CDH23: variants seen among roughly 807,000 people sequenced by gnomAD.
CDH23 encodes the protein cadherin-23.
A neutral mutation model predicts 317.1 loss-of-function variants in CDH23; 189 were observed. The observed-to-expected ratio is 0.60, with a 90% CI of 0.53 to 0.67. The LOEUF is 0.67. Among genes scored for constraint, CDH23 ranks in the 30% least tolerant of loss-of-function variants. The probability of loss-of-function intolerance (pLI) is 0.00; values close to 1 mark genes in which losing one functional copy is unlikely to be tolerated. For synonymous variants in CDH23, 1,839 were observed against 1,876.8 expected, an observed-to-expected ratio of 0.98 and a Z score of 0.52; for missense variants, 4,401 against 4,592.4, an observed-to-expected ratio of 0.96 and a Z score of 1.20.
chr10:71,808,046 C>G (rs1841793339), intron 60 of CDH23, 39 bp downstream of exon 60: 1 of 1,557,994 alleles, frequency 6.4e-7, no homozygotes, highest in African/African-American at 1.4e-5. Context: ...CTAGCCATGA[C>G]CTCTCAGTCA....
intron 49 of CDH23, among the ~76,000 whole-genome samples, chr10:71,798,141 G>C (rs1841454229): frequency 6.6e-6 from 1 of 152,058 alleles, no homozygotes; most frequent in Admixed American, 6.5e-5. Context: ...GCTCCACCAG[G>C]GTCACCTAGC....
intron 2 of CDH23, among the ~76,000 whole-genome samples, chr10:71,441,128 C>T (rs1244896699): frequency 6.6e-6 from 1 of 152,126 alleles, no homozygotes; most frequent in Non-Finnish European, 1.5e-5. Context: ...TTTTAACTCC[C>T]AGCTCATTTT....
intron 7 of CDH23, among the ~76,000 whole-genome samples, chr10:71,568,072 G>T (rs1216060417): frequency 6.6e-6 from 1 of 152,222 alleles, no homozygotes; most frequent in East Asian, 1.9e-4. Flanking sequence ...CCCAGACTTG[G>T]CCAAGATGCA....
At chr10:71,398,165 C>A (rs961102657) in intron 1 of CDH23, among the ~76,000 whole-genome samples, 11 of 152,342 alleles carry the variant, frequency 7.2e-5, no homozygotes, top group Non-Finnish European at 1.5e-4. Context: ...GTGCTGTGAG[C>A]GGAGATCCGA....
At chr10:71,588,850 C>T (rs539727847) in intron 9 of CDH23, among the ~76,000 whole-genome samples, 2 of 152,360 alleles carry the variant, frequency 1.3e-5, no homozygotes, top group African/African-American at 4.8e-5. Flanking sequence ...TAGGCACCCT[C>T]TCTAGCCCCT....
chr10:71,606,032 A>G (rs1196144694), intron 9 of CDH23, among the ~76,000 whole-genome samples: 1 of 152,212 alleles, frequency 6.6e-6, no homozygotes, highest in Non-Finnish European at 1.5e-5. Context: ...TGCACAGTGC[A>G]TTGCTGTGGG....
At chr10:71,495,524 G>A (rs112446410) in intron 3 of CDH23, among the ~76,000 whole-genome samples, 2,587 of 152,212 alleles carry the variant, frequency 0.017, 57 homozygotes, top group African/African-American at 0.054. Context: ...ATTCCCCAGA[G>A]CCAAATTATT....
At chr10:71,544,421 G>A (rs375005952) in intron 6 of CDH23, among the ~76,000 whole-genome samples, 20 of 152,316 alleles carry the variant, frequency 1.3e-4, no homozygotes, top group African/African-American at 4.3e-4. Flanking sequence ...ACCAGGGGGA[G>A]GGCAGAGTGG....
intron 1 of CDH23, among the ~76,000 whole-genome samples, chr10:71,429,284 G>A (rs981783243): frequency 4.1e-4 from 62 of 152,304 alleles, no homozygotes; most frequent in African/African-American, 1.5e-3. Context: ...TCTAGGCTGT[G>A]CATGGGTTCT....
At chr10:71,594,614 C>T (rs76858889) in intron 9 of CDH23, among the ~76,000 whole-genome samples, 156 of 152,300 alleles carry the variant, frequency 1.0e-3, no homozygotes, top group African/African-American at 3.5e-3. Flanking sequence ...GACCTCAGGT[C>T]TCTGCCCGCC....
At position 71,613,040 on chromosome 10, in the gene CDH23, G is replaced by T. The variant is rs926625743; in HGVS notation, c.833-2464G>T. 2.0e-5 allele frequency among the ~76,000 whole-genome samples: 3 copies of T among 152,096 alleles called. No homozygotes were observed. In the South Asian group the frequency reaches 6.2e-4, roughly 32 times the overall value. On this transcript the variant is annotated intron_variant, in intron 9 of 69. Coordinates refer to ENST00000224721, the MANE Select transcript of CDH23 (RefSeq NM_022124.6). ...TTTTTTGTATTTTTAGTAGAGATGGGGTTTTGCCATGTTGGCCAGGCTGGT... is the reference window on the plus strand; with the variant it reads ...TTTTTTGTATTTTTAGTAGAGATGGTGTTTTGCCATGTTGGCCAGGCTGGT...
intron 11 of CDH23, among the ~76,000 whole-genome samples, chr10:71,620,294 C>T (rs997985216): frequency 6.6e-6 from 1 of 152,154 alleles, no homozygotes; most frequent in Non-Finnish European, 1.5e-5. Context: ...GTCTCTGCCA[C>T]AGAGAAGGAG....
chr10:71,477,330 G>A lies in CDH23; in HGVS notation c.145+30935G>A, dbSNP rs138151282. Among the ~76,000 whole-genome samples, 184 of 152,206 alleles carry A rather than the reference G, an allele frequency of 1.2e-3. 2 individuals are homozygous for A. The highest frequency in any genetic ancestry group is 4.2e-3 in the African/African-American group (174 of 41,534). ...ATTACAGGCACCTGCCACCATGCCC[G>A]GCTAATTTTTGTATTTTTGGTAGAG... On this transcript the variant is annotated intron_variant, in intron 3 of 69. Coordinates refer to ENST00000224721, the MANE Select transcript of CDH23 (RefSeq NM_022124.6).
In CDH23 at chr10:71,737,104, G is replaced by A. The variant is rs187730851; in HGVS notation, c.4210-1394G>A. On this transcript the variant is annotated intron_variant, in intron 34 of 69. Coordinates refer to ENST00000224721, the MANE Select transcript of CDH23 (RefSeq NM_022124.6). ...AAGGACCCTTGTCTGTTTTCACCCT[G>A]AGAACAGTGTGATAGGTATTGTTTT... Among the ~76,000 whole-genome samples, 7 of 152,308 alleles carry A rather than the reference G, an allele frequency of 4.6e-5. No individual in the cohort carries two copies. The South Asian group carries it at 8.3e-4, about 18-fold the overall frequency.
intron 9 of CDH23, among the ~76,000 whole-genome samples, chr10:71,584,199 T>A (rs780590400): frequency 5.3e-5 from 8 of 152,140 alleles, no homozygotes; most frequent in Non-Finnish European, 8.8e-5. Flanking sequence ...ATATCCATGG[T>A]GTTGACATTT....
intron 20 of CDH23, among the ~76,000 whole-genome samples, chr10:71,693,441 C>T (rs1014224873): frequency 6.6e-6 from 1 of 152,006 alleles, no homozygotes; most frequent in Non-Finnish European, 1.5e-5. Flanking sequence ...TAAAACAACT[C>T]GAGGCAATGT....
At chr10:71,782,593 GCA>G (rs1468183268) in intron 41 of CDH23, among the ~76,000 whole-genome samples, 8 of 152,208 alleles carry the variant, frequency 5.3e-5, no homozygotes, top group Non-Finnish European at 1.5e-5. Context: ...AGAAGAATTT[GCA>G]CAGGGGAACT....
intron 9 of CDH23, among the ~76,000 whole-genome samples, chr10:71,605,565 C>T (rs1860482832): frequency 6.6e-6 from 1 of 152,218 alleles, no homozygotes; most frequent in Non-Finnish European, 1.5e-5. Flanking sequence ...AATCTGTGTT[C>T]ACATTTTGCT....
At chr10:71,555,291 A>G (rs1386543533) in intron 6 of CDH23, among the ~76,000 whole-genome samples, 3 of 152,160 alleles carry the variant, frequency 2.0e-5, no homozygotes, top group Admixed American at 1.3e-4. Context: ...CGCTGGGGCC[A>G]GGGTGGGTAT....
Sources: gnomAD v4.1 joint callset for allele counts (sites outside exome capture counted in the v4.1 genomes callset) on GRCh38, gnomAD v4.1.1 for gene constraint, MANE v1.5 for transcripts, NCBI Gene and HGNC (gene_info 2026-07-23, HGNC 2026-07-21) for gene names.